The following ENTPD3 variants were observed in gnomAD, a reference collection of about 807,000 sequenced individuals.
ENTPD3 encodes CD39 antigen-like 3.
Under a neutral mutation model 51.2 loss-of-function variants are expected in ENTPD3, and 60 were observed. That is an observed-to-expected ratio of 1.17 (90% confidence interval 0.95 to 1.45). The LOEUF is 1.45. Ranked by LOEUF, ENTPD3 falls within the 40% of genes most tolerant of loss-of-function variation. The pLI is 0.00. For missense variants in ENTPD3, 593 were observed against 641.1 expected, an observed-to-expected ratio of 0.93 and a Z score of 0.81; for synonymous variants, 221 against 238.4, an observed-to-expected ratio of 0.93 and a Z score of 0.67.
chr3:40,420,342 TCTC>T (rs1955839591), intron 7 of ENTPD3, among the ~76,000 whole-genome samples: 1 of 151,648 alleles, frequency 6.6e-6, no homozygotes, highest in African/African-American at 2.4e-5. Context: ...TTCACGCCAT[TCTC>T]CTACCTCAGC....
At chr3:40,424,008 A>G in intron 10 of ENTPD3, 45 bp downstream of exon 10, 1 of 1,613,178 alleles carries the variant, frequency 6.2e-7, no homozygotes, top group Non-Finnish European at 8.5e-7. Flanking sequence ...CCCAACAGAG[A>G]GGTTTGTATG....
chr3:40,398,142 A>G (rs1354886963), intron 3 of ENTPD3, among the ~76,000 whole-genome samples: 1 of 152,170 alleles, frequency 6.6e-6, no homozygotes, highest in Non-Finnish European at 1.5e-5. Flanking sequence ...CCATTTCTCC[A>G]GTCTCACAGA....
At chr3:40,387,981 C>T in intron 1 of ENTPD3, 65 bp from the exon 2 acceptor site, 1 of 1,359,928 alleles carries the variant, frequency 7.4e-7, no homozygotes, top group Non-Finnish European at 1.1e-6. Context: ...AACCTGGGCT[C>T]GTTCTTTAAA....
At chr3:40,416,473 G>T (rs192234802) in intron 7 of ENTPD3, among the ~76,000 whole-genome samples, 1 of 152,296 alleles carries the variant, frequency 6.6e-6, no homozygotes, top group East Asian at 1.9e-4. Flanking sequence ...TGTGCTGAAG[G>T]GGGAGAGGGC....
Position 40,411,923 on chromosome 3 carries a change from C to T in ENTPD3, c.398C>T (p.Pro133Leu), listed in dbSNP as rs1313140074. ...CCATCCCACCTCCACGGATCCACCC[C>T]CATTCACCTGGGAGCCACGGCTGGG... ...QVPSHLHGST[P>L]IHLGATAGMR... The change falls in exon 5 of 11, where the codon CCC becomes CTC. Residue 133 changes from proline (P) to leucine (L), a missense_variant. Pro to Leu is a moderately conservative substitution (Grantham distance 98). Transcript: ENST00000301825. 6.2e-7 allele frequency: 1 copy of T among 1,611,872 alleles called. No individual in the cohort carries two copies. Among genetic ancestry groups the T allele is most frequent in the African/African-American group, 1.3e-5 (1 of 74,870 alleles).
At chr3:40,422,204 A>T (rs1955889245) in intron 7 of ENTPD3, among the ~76,000 whole-genome samples, 1 of 151,780 alleles carries the variant, frequency 6.6e-6, no homozygotes. Context: ...CCTGTGATCA[A>T]AGACATGCTG....
chr3:40,401,127 C>A, intron 4 of ENTPD3, 116 bp downstream of exon 4: 1 of 770,662 alleles, frequency 1.3e-6, no homozygotes, highest in South Asian at 1.6e-5. Flanking sequence ...GAGCATTGGA[C>A]TGGGAGTCAG....
intron 10 of ENTPD3, among the ~76,000 whole-genome samples, chr3:40,425,197 C>T (rs1955957586): frequency 6.6e-6 from 1 of 152,030 alleles, no homozygotes; most frequent in African/African-American, 2.4e-5. Context: ...GCAGGCGGAT[C>T]ACCTGAGGTC....
chr3:40,427,385 C>T lies in ENTPD3; in HGVS notation c.1467C>T (p.Gly489=). ...RLPIEPPVFV[G]TLAFFTAAAL... ...CCATAGAACCACCTGTCTTTGTGGG[C>T]ACCCTCGCTTTCTTCACAGCGGCAG... The change falls in exon 11 of 11, where the codon GGC becomes GGT. Residue 489 remains glycine (G), a synonymous_variant. Coordinates refer to ENST00000301825, the MANE Select transcript of ENTPD3 (RefSeq NM_001248.4). 1 of 1,613,976 alleles carries T rather than the reference C, an allele frequency of 6.2e-7. No homozygotes were observed.
In ENTPD3 at chr3:40,416,033, G is replaced by C. The variant is rs34266806; in HGVS notation, c.791G>C (p.Arg264Pro). ...LYTHSFQCYGRNEAEKKFLAM... is the reference protein window; with the variant it reads ...LYTHSFQCYGPNEAEKKFLAM... ...ACACACAGCTTCCAGTGCTATGGCC[G>C]GAATGAGGCTGAGAAGAAGTTTCTG... is the stretch of plus-strand genomic sequence containing the variant. Residue 264 changes from arginine to proline, a missense_variant, in exon 7 of 11, where the codon CGG (arginine) becomes CCG (proline). Coordinates refer to ENST00000301825, the MANE Select transcript of ENTPD3 (RefSeq NM_001248.4). 10 of 1,613,850 alleles carry C rather than the reference G, an allele frequency of 6.2e-6. No individual in the cohort carries two copies. The East Asian group carries it at 1.8e-4, about 29-fold the overall frequency.
intron 5 of ENTPD3, among the ~76,000 whole-genome samples, chr3:40,413,100 T>C (rs1411999980): frequency 3.9e-5 from 6 of 152,150 alleles, no homozygotes; most frequent in Admixed American, 6.6e-5. Flanking sequence ...AAAATCCTCA[T>C]CTGCTATAGT....
intron 6 of ENTPD3, 131 bp from the exon 7 acceptor site, chr3:40,415,709 A>C: frequency 1.5e-6 from 1 of 660,052 alleles, no homozygotes; most frequent in Non-Finnish European, 2.6e-6. Flanking sequence ...AAAGAAAAGG[A>C]AAGAATTGGC....
At chr3:40,409,507 G>A (rs192344069) in intron 4 of ENTPD3, among the ~76,000 whole-genome samples, 3 of 152,256 alleles carry the variant, frequency 2.0e-5, no homozygotes, top group East Asian at 1.9e-4. Flanking sequence ...TAGCACTGTC[G>A]ATGAAATCCA....
At chr3:40,425,457 T>C (rs549582252) in intron 10 of ENTPD3, among the ~76,000 whole-genome samples, 2 of 151,876 alleles carry the variant, frequency 1.3e-5, no homozygotes, top group Non-Finnish European at 2.9e-5. Context: ...AATGTGAAGG[T>C]GTAAAAAGAC....
At chr3:40,404,488 G>A (rs1955446595) in intron 4 of ENTPD3, among the ~76,000 whole-genome samples, 1 of 152,134 alleles carries the variant, frequency 6.6e-6, no homozygotes, top group Non-Finnish European at 1.5e-5. Context: ...CAACTGTGGG[G>A]AAAAATAAGA....
intron 7 of ENTPD3, among the ~76,000 whole-genome samples, chr3:40,420,469 G>C (rs930161700): frequency 2.0e-5 from 3 of 151,916 alleles, no homozygotes; most frequent in African/African-American, 7.3e-5. Flanking sequence ...TCGATCTCCT[G>C]ACCTCGTGAT....
In ENTPD3 at chr3:40,415,930, G is replaced by A. The variant is rs144633113; in HGVS notation, c.688G>A (p.Val230Met). ...LGGASTQISFVAGEKMDLNTS... is the reference protein window; with the variant it reads ...LGGASTQISFMAGEKMDLNTS... ...TGGTGCCTCCACCCAAATATCCTTC[G>A]TGGCAGGAGAGAAGATGGATCTGAA... The change falls in exon 7 of 11, where the codon GTG (valine) becomes ATG (methionine). Residue 230 changes from valine (V) to methionine (M), a missense_variant. By Grantham distance (21) the Val-to-Met change is conservative. Coordinates refer to ENST00000301825, the MANE Select transcript of ENTPD3 (RefSeq NM_001248.4). 3.5e-3 allele frequency: 5,642 copies of A among 1,614,106 alleles called. 15 individuals carry two copies. Among genetic ancestry groups the A allele is most frequent in the Middle Eastern group, 8.4e-3 (51 of 6,062 alleles).
chr3:40,417,041 C>T (rs1955763728), intron 7 of ENTPD3, among the ~76,000 whole-genome samples: 1 of 152,150 alleles, frequency 6.6e-6, no homozygotes, highest in African/African-American at 2.4e-5. Flanking sequence ...AGTGTTCATG[C>T]AGGGTAGGTT....
chr3:40,398,851 T>C (rs572023103), intron 3 of ENTPD3, among the ~76,000 whole-genome samples: 8 of 152,272 alleles, frequency 5.3e-5, no homozygotes, highest in Non-Finnish European at 8.8e-5. Context: ...GTGAATACAA[T>C]GAATGTATGA....
Sources: gnomAD v4.1 joint callset for allele counts (sites outside exome capture counted in the v4.1 genomes callset) on GRCh38, gnomAD v4.1.1 for gene constraint, MANE v1.5 for transcripts, NCBI Gene and HGNC (gene_info 2026-07-23, HGNC 2026-07-21) for gene names.